The following GNA12 variants were observed in gnomAD, a reference collection of about 807,000 sequenced individuals.
GNA12 encodes the protein G protein subunit alpha 12.
GNA12 carries 9 observed loss-of-function variants against 26.0 expected under a neutral mutation model. The observed-to-expected ratio is 0.35, with a 90% CI of 0.21 to 0.60. GNA12 has a LOEUF of 0.60. Among genes scored for constraint, GNA12 ranks in the 20% least tolerant of loss-of-function variants. The pLI is 0.78. For missense variants in GNA12, 405 were observed against 525.8 expected (o/e 0.77, Z 2.25); for synonymous variants, 264 against 219.6 (o/e 1.20, Z -1.79).
At chr7:2,796,284 TTAA>T (rs1464685522) in intron 1 of GNA12, among the ~76,000 whole-genome samples, 1 of 152,204 alleles carries the variant, frequency 6.6e-6, no homozygotes, top group Non-Finnish European at 1.5e-5. Context: ...CAGTAAGAGA[TTAA>T]TAATAGCTAA....
At chr7:2,810,900 A>AC in intron 1 of GNA12, among the ~76,000 whole-genome samples, 1 of 112,610 alleles carries the variant, frequency 8.9e-6, no homozygotes, top group Non-Finnish European at 2.1e-5. Context: ...CTCTGTCTTA[A>AC]AAAAGAAAGA....
At chr7:2,789,022 T>C (rs1331498512) in intron 2 of GNA12, among the ~76,000 whole-genome samples, 1 of 151,964 alleles carries the variant, frequency 6.6e-6, no homozygotes, top group African/African-American at 2.4e-5. Flanking sequence ...GGTTTTGCCA[T>C]GTTGGCCAGG....
chr7:2,768,201 C>G (rs534515103), intron 2 of GNA12, among the ~76,000 whole-genome samples: 2 of 152,320 alleles, frequency 1.3e-5, no homozygotes, highest in Admixed American at 1.3e-4. Flanking sequence ...CCAGGCTTTG[C>G]TACTAAACAA....
chr7:2,762,800 C>G (rs754092811), intron 2 of GNA12: 1 of 1,535,134 alleles, frequency 6.5e-7, no homozygotes, highest in Non-Finnish European at 8.8e-7. Context: ...AGGAGGAGCA[C>G]TCAGGGCGGC....
At chr7:2,745,682 A>G (rs1420754513) in intron 2 of GNA12, among the ~76,000 whole-genome samples, 1 of 152,238 alleles carries the variant, frequency 6.6e-6, no homozygotes, top group Non-Finnish European at 1.5e-5. Context: ...TTAACTTTGA[A>G]TGTAAATGGG....
At chr7:2,822,447 T>C (rs376760501) in intron 1 of GNA12, among the ~76,000 whole-genome samples, 12 of 152,278 alleles carry the variant, frequency 7.9e-5, no homozygotes, top group African/African-American at 2.6e-4. Context: ...TCTCAAACCC[T>C]GATAAAGATT....
chr7:2,794,520 T>C (rs1033978416), intron 2 of GNA12, among the ~76,000 whole-genome samples: 4 of 151,884 alleles, frequency 2.6e-5, no homozygotes, highest in African/African-American at 4.8e-5. Context: ...CTGGGAGGAG[T>C]TGGATTTGCT....
At chr7:2,808,680 T>C (rs972145606) in intron 1 of GNA12, among the ~76,000 whole-genome samples, 1 of 152,212 alleles carries the variant, frequency 6.6e-6, no homozygotes. Flanking sequence ...GCTGCTCCCA[T>C]GGCTCTCACT....
At chr7:2,736,816 G>C (rs939882788) in intron 2 of GNA12, among the ~76,000 whole-genome samples, 1 of 152,204 alleles carries the variant, frequency 6.6e-6, no homozygotes, top group Admixed American at 6.5e-5. Flanking sequence ...CGTCACCTCT[G>C]TCTCTGCACA....
At chr7:2,752,855 A>G (rs181752614) in intron 2 of GNA12, among the ~76,000 whole-genome samples, 6 of 152,302 alleles carry the variant, frequency 3.9e-5, no homozygotes, top group South Asian at 4.1e-4. Context: ...TTATAGTACA[A>G]TATCAGAACC....
chr7:2,783,056 G>T (rs750332777), intron 2 of GNA12, among the ~76,000 whole-genome samples: 1 of 152,100 alleles, frequency 6.6e-6, no homozygotes, highest in African/African-American at 2.4e-5. Flanking sequence ...TTTAAAGACC[G>T]GTGTCGGAGT....
At chr7:2,811,548 ACTT>A (rs1162477712) in intron 1 of GNA12, among the ~76,000 whole-genome samples, 24 of 152,218 alleles carry the variant, frequency 1.6e-4, no homozygotes, top group Admixed American at 1.2e-3. Context: ...AACTATATAG[ACTT>A]CTTAAAAAAT....
chr7:2,803,562 T>G (rs1377080172), intron 1 of GNA12, among the ~76,000 whole-genome samples: 1 of 152,108 alleles, frequency 6.6e-6, no homozygotes, highest in Non-Finnish European at 1.5e-5. Flanking sequence ...GTAAGCACAA[T>G]ACCCACCAGT....
intron 1 of GNA12, among the ~76,000 whole-genome samples, chr7:2,798,740 T>A (rs1301075035): frequency 1.8e-4 from 27 of 152,200 alleles, no homozygotes; most frequent in Admixed American, 1.8e-3. Context: ...TCTATCTGAT[T>A]TTAAGACTTA....
chr7:2,768,691 A>AC (rs1554258742), intron 2 of GNA12, among the ~76,000 whole-genome samples: 24 of 142,668 alleles, frequency 1.7e-4, no homozygotes, highest in Admixed American at 5.7e-4. Context: ...ACAAAACAAA[A>AC]AAAAAAACAG....
intron 2 of GNA12, among the ~76,000 whole-genome samples, chr7:2,743,703 G>A (rs902613792): frequency 1.1e-4 from 16 of 152,286 alleles, no homozygotes; most frequent in South Asian, 2.1e-4. Flanking sequence ...CGCACTGTGC[G>A]CGAGCCGAAG....
At chr7:2,837,138 T>G (rs1778860562) in intron 1 of GNA12, among the ~76,000 whole-genome samples, 1 of 145,748 alleles carries the variant, frequency 6.9e-6, no homozygotes, top group African/African-American at 2.5e-5. Flanking sequence ...GGTGCTCCAA[T>G]TCCCTCACCA....
chr7:2,749,209 C>A lies in GNA12; in HGVS notation c.526-15708G>T, dbSNP rs923399401. Among the ~76,000 whole-genome samples the A allele has an allele frequency of 3.4e-4, 52 of 152,296 alleles. 1 individual carries two copies. The Middle Eastern group carries it at 0.034, about 100-fold the overall frequency. On this transcript the variant is annotated intron_variant, in intron 2 of 3. Transcript: ENST00000275364. Reference sequence around the variant, plus strand: ...TCATGCTGCTATAAAGACACATGCACACGTGTGTTTATTGCGGCACTATTC... The same window carrying A: ...TCATGCTGCTATAAAGACACATGCAAACGTGTGTTTATTGCGGCACTATTC...
chr7:2,731,176 C>G lies in GNA12; in HGVS notation c.*5G>C, dbSNP rs1438029920. 6.3e-7 allele frequency: 1 copy of G among 1,597,150 alleles called. No homozygotes were observed. Among genetic ancestry groups the G allele is most frequent in the Non-Finnish European group, 8.6e-7 (1 of 1,168,964 alleles). ...CAACGACGACAAACCCCGGGGCTTC[C>G]TCGCTCACTGCAGCATGATGTCCTT... On this transcript the variant is annotated 3_prime_UTR_variant, in exon 4 of 4. Transcript: ENST00000275364. The surrounding 1 kb of genome is among the most constrained non-coding windows in gnomAD (Gnocchi z 6.0).
Sources: gnomAD v4.1 joint callset for allele counts (sites outside exome capture counted in the v4.1 genomes callset) on GRCh38, gnomAD v4.1.1 for gene constraint, Gnocchi (gnomAD v3.1) non-coding constraint, MANE v1.5 for transcripts, NCBI Gene and HGNC (gene_info 2026-07-23, HGNC 2026-07-21) for gene names.